Variants in COP1 observed in about 807,000 individuals in gnomAD.
COP1 encodes COP1 E3 ubiquitin ligase, also known as E3 ubiquitin-protein ligase COP1.
COP1 carries 24 observed loss-of-function variants against 101.3 expected under a neutral mutation model. The ratio of observed to expected loss-of-function variants is 0.24; its 90% CI spans 0.17 to 0.33. The LOEUF is 0.33. Ranked by LOEUF, COP1 falls within the 10% of genes least tolerant of loss-of-function variation. The pLI is 1.00. For synonymous variants in COP1, 347 were observed against 341.9 expected (o/e 1.01, Z -0.17); for missense variants, 663 against 906.2 (o/e 0.73, Z 3.45).
intron 18 of COP1, among the ~76,000 whole-genome samples, chr1:175,978,483 A>G (rs1377788753): frequency 6.6e-6 from 1 of 152,128 alleles, no homozygotes; most frequent in African/African-American, 2.4e-5. Context: ...CTTAGAGAAA[A>G]ACAAATTACT....
chr1:175,997,267 TA>T (rs1171259375), intron 15 of COP1, among the ~76,000 whole-genome samples: 5 of 152,056 alleles, frequency 3.3e-5, no homozygotes, highest in Admixed American at 3.3e-4. Context: ...ATTAAAGACT[TA>T]AATGTTAGAC....
intron 5 of COP1, among the ~76,000 whole-genome samples, chr1:176,152,072 C>A (rs946543963): frequency 2.0e-5 from 3 of 151,616 alleles, no homozygotes; most frequent in Non-Finnish European, 2.9e-5. Flanking sequence ...AGGCAGATTG[C>A]GTGAGCTCTG....
In COP1 at chr1:175,986,972, C is replaced by A; in HGVS notation, c.2104G>T (p.Ala702Ser). ...TCTGGTAGTGCCCTCCAGCACACAG[C>A]ACTAACAAATTCATTTGTATCATCT... ...KEDDTNEFVS[A>S]VCWRALPDGE... The change falls in exon 18 of 20, where the codon GCT becomes TCT. Residue 702 changes from alanine to serine, a missense_variant. Physicochemically the swap from Ala to Ser is moderately conservative, Grantham distance 99 (BLOSUM62 1). Around this residue, in one of 4 missense-constraint regions of COP1, gnomAD observed 209 missense variants for 383.3 expected, o/e 0.55. Transcript: ENST00000367669. 6.2e-7 allele frequency: 1 copy of A among 1,608,996 alleles called. No homozygotes were observed. Among genetic ancestry groups the A allele is most frequent in the Non-Finnish European group, 8.5e-7 (1 of 1,178,372 alleles).
chr1:176,179,280 A>G (rs1424872774), intron 2 of COP1, among the ~76,000 whole-genome samples: 2 of 149,862 alleles, frequency 1.3e-5, no homozygotes, highest in Non-Finnish European at 3.0e-5. Context: ...ACAAAGTGAG[A>G]CTCCGTCTCA....
intron 18 of COP1, among the ~76,000 whole-genome samples, chr1:175,958,305 T>C (rs944047342): frequency 6.6e-6 from 1 of 152,048 alleles, no homozygotes; most frequent in Non-Finnish European, 1.5e-5. Flanking sequence ...ATTTAAATAT[T>C]TTCTGATTTC....
intron 9 of COP1, among the ~76,000 whole-genome samples, chr1:176,112,942 C>T (rs940415525): frequency 2.6e-5 from 4 of 152,140 alleles, no homozygotes; most frequent in African/African-American, 9.7e-5. Flanking sequence ...ATATACACCA[C>T]ATTTTCTTTA....
chr1:176,169,706 G>A (rs1299019816), intron 3 of COP1, among the ~76,000 whole-genome samples: 2 of 152,092 alleles, frequency 1.3e-5, no homozygotes, highest in Admixed American at 6.5e-5. Flanking sequence ...CCATGTTGAC[G>A]GCTGCTGACT....
intron 3 of COP1, among the ~76,000 whole-genome samples, chr1:176,174,252 A>G (rs1051047323): frequency 1.3e-5 from 2 of 152,188 alleles, no homozygotes; most frequent in Non-Finnish European, 2.9e-5. Flanking sequence ...TTATGACTAC[A>G]GAAAAAGCAT....
chr1:176,150,778 AAAG>A (rs796766325), intron 5 of COP1, among the ~76,000 whole-genome samples: 25 of 152,324 alleles, frequency 1.6e-4, no homozygotes, highest in East Asian at 9.6e-4. Flanking sequence ...TAACTTGTAG[AAAG>A]AAGGAGAAAG....
At chr1:176,017,397 G>C (rs932062621) in intron 15 of COP1, 5 of 152,230 alleles carry the variant, frequency 3.3e-5, no homozygotes, top group African/African-American at 7.2e-5. Context: ...CGACAGGACT[G>C]GGGTGGGAAG....
chr1:175,989,599 C>A (rs1657928985), intron 15 of COP1, 120 bp from the exon 16 acceptor site: 1 of 574,356 alleles, frequency 1.7e-6, no homozygotes, highest in South Asian at 2.4e-5. Flanking sequence ...TCTCTAACAG[C>A]CAGAAAACAA....
intron 9 of COP1, among the ~76,000 whole-genome samples, chr1:176,111,184 A>C (rs1168592308): frequency 6.6e-6 from 1 of 152,226 alleles, no homozygotes; most frequent in African/African-American, 2.4e-5. Context: ...AACAGTATTT[A>C]TCTCACAGAG....
At chr1:176,180,433 T>C (rs12049077) in intron 2 of COP1, among the ~76,000 whole-genome samples, 58,281 of 151,932 alleles carry the variant, frequency 0.38, 11,524 homozygotes, top group Middle Eastern at 0.44. Flanking sequence ...GATAAGTATC[T>C]AGATTAGTGC....
chr1:176,154,137 A>G (rs1227080781), intron 5 of COP1, among the ~76,000 whole-genome samples: 1 of 152,052 alleles, frequency 6.6e-6, no homozygotes, highest in African/African-American at 2.4e-5. Context: ...CTCTTCCTCA[A>G]TTTTTTGGAA....
At chr1:176,071,266 C>G (rs139264375) in intron 11 of COP1, among the ~76,000 whole-genome samples, 1 of 152,036 alleles carries the variant, frequency 6.6e-6, no homozygotes, top group East Asian at 1.9e-4. Context: ...ATGTGACTTG[C>G]CTGCTCCCAC....
intron 14 of COP1, among the ~76,000 whole-genome samples, chr1:176,030,295 G>A (rs778960839): frequency 3.9e-5 from 6 of 152,058 alleles, no homozygotes; most frequent in Non-Finnish European, 8.8e-5. Context: ...TCAACATGCC[G>A]AACATAGCAC....
intron 18 of COP1, among the ~76,000 whole-genome samples, chr1:175,983,811 CTT>C (rs1211836662): frequency 2.0e-5 from 3 of 152,156 alleles, no homozygotes; most frequent in African/African-American, 4.8e-5. Context: ...AAAGAAGACT[CTT>C]GTTATGTTTT....
intron 9 of COP1, among the ~76,000 whole-genome samples, chr1:176,098,116 CT>C (rs1187353153): frequency 6.6e-6 from 1 of 152,004 alleles, no homozygotes; most frequent in South Asian, 2.1e-4. Flanking sequence ...TATAACCTGC[CT>C]TTTTTGGTTT....
At chr1:176,009,471 T>C (rs530845951) in intron 15 of COP1, among the ~76,000 whole-genome samples, 6 of 152,310 alleles carry the variant, frequency 3.9e-5, no homozygotes, top group African/African-American at 1.2e-4. Flanking sequence ...GAAAGGCATA[T>C]AAGTAAAGGT....
Sources: allele counts gnomAD v4.1 joint callset (sites outside exome capture counted in the v4.1 genomes callset), GRCh38; gene constraint gnomAD v4.1.1; regional missense constraint gnomAD v4.1.1; transcripts MANE v1.5; gene names NCBI Gene and HGNC (gene_info 2026-07-23, HGNC 2026-07-21).